Variants in CADPS2 observed in about 807,000 individuals in gnomAD.
The protein encoded by CADPS2 is calcium-dependent secretion activator 2.
In CADPS2, 93 loss-of-function variants were observed where a neutral mutation model predicts 172.5. The ratio of observed to expected loss-of-function variants is 0.54; its 90% CI spans 0.46 to 0.64. CADPS2 has a LOEUF of 0.64. Among genes scored for constraint, CADPS2 ranks in the 30% least tolerant of loss-of-function variants. The probability of loss-of-function intolerance (pLI) is 0.00; values close to 1 mark genes in which losing one functional copy is unlikely to be tolerated. For synonymous variants in CADPS2, 546 were observed against 555.2 expected (o/e 0.98, Z 0.23); for missense variants, 1,420 against 1,565.9 (o/e 0.91, Z 1.57).
intron 2 of CADPS2, among the ~76,000 whole-genome samples, chr7:122,727,195 T>C (rs1307180825): frequency 6.6e-6 from 1 of 151,924 alleles, no homozygotes; most frequent in East Asian, 1.9e-4. Context: ...TGAACTGGGG[T>C]GCCAGTTTAA....
chr7:122,733,001 C>T (rs2091834452), intron 2 of CADPS2, among the ~76,000 whole-genome samples: 1 of 150,048 alleles, frequency 6.7e-6, no homozygotes, highest in Non-Finnish European at 1.5e-5. Flanking sequence ...CAAATTACCA[C>T]TTAAAGATTA....
At chr7:122,536,964 A>T in intron 8 of CADPS2, among the ~76,000 whole-genome samples, 1 of 152,068 alleles carries the variant, frequency 6.6e-6, no homozygotes. Flanking sequence ...AGCGGGAGAT[A>T]AATGATGAGA....
intron 5 of CADPS2, among the ~76,000 whole-genome samples, chr7:122,621,110 T>G (rs561037745): frequency 6.6e-6 from 1 of 151,994 alleles, no homozygotes; most frequent in African/African-American, 2.4e-5. Context: ...CTATGTTGCC[T>G]AGGCTGGTCT....
At chr7:122,353,914 T>C (rs1012318080) in intron 27 of CADPS2, among the ~76,000 whole-genome samples, 4 of 152,162 alleles carry the variant, frequency 2.6e-5, no homozygotes, top group Admixed American at 2.0e-4. Flanking sequence ...TGTTCCTTTT[T>C]CCAAACAGGA....
chr7:122,839,296 T>A (rs1360239312), intron 1 of CADPS2, among the ~76,000 whole-genome samples: 1 of 152,118 alleles, frequency 6.6e-6, no homozygotes, highest in Admixed American at 6.6e-5. Context: ...GATTAAAGAC[T>A]TAAATGTTAG....
At chr7:122,361,187 T>C (rs1201581259) in intron 25 of CADPS2, among the ~76,000 whole-genome samples, 174 bp from the exon 26 acceptor site, 2 of 151,690 alleles carry the variant, frequency 1.3e-5, no homozygotes, top group East Asian at 1.9e-4. Flanking sequence ...ACATGAACTC[T>C]ACTGTCCTTT....
At position 122,320,032 on chromosome 7, in the gene CADPS2, C is replaced by T. The variant is rs936511950; in HGVS notation, c.*133G>A. 6.5e-6 allele frequency: 6 copies of T among 920,228 alleles called. No individual in the cohort carries two copies. In the African/African-American group the frequency reaches 8.5e-5, roughly 13 times the overall value. 57.0% of individuals were successfully genotyped at this position (920,228 alleles called of 1,614,324 possible). A position where few individuals can be genotyped will look rare whatever the true frequency, so the allele number is the denominator to read the frequency against. On this transcript the variant is annotated 3_prime_UTR_variant, in exon 30 of 30. Transcript: ENST00000449022. ...TTTCCCCTTTTACTCTACATTCAGG[C>T]TTACTTTTTAAAGAAATACAAGCAT...
At chr7:122,734,407 T>C (rs993376718) in intron 2 of CADPS2, among the ~76,000 whole-genome samples, 1 of 88,218 alleles carries the variant, frequency 1.1e-5, no homozygotes, top group Non-Finnish European at 2.5e-5. Context: ...AAAGAAAATC[T>C]GGATTCACAT....
At chr7:122,868,535 G>A (rs753164471) in intron 1 of CADPS2, among the ~76,000 whole-genome samples, 7 of 152,160 alleles carry the variant, frequency 4.6e-5, no homozygotes, top group Non-Finnish European at 1.0e-4. Context: ...AAGACAGCAG[G>A]TTGGACAAAC....
intron 2 of CADPS2, among the ~76,000 whole-genome samples, chr7:122,728,812 A>G (rs1164040912): frequency 6.6e-6 from 1 of 151,840 alleles, no homozygotes; most frequent in Non-Finnish European, 1.5e-5. Context: ...ATAAGGTAAC[A>G]CTAATGATAA....
chr7:122,683,776 G>A (rs112220038), intron 2 of CADPS2, among the ~76,000 whole-genome samples: 1 of 151,948 alleles, frequency 6.6e-6, no homozygotes, highest in Non-Finnish European at 1.5e-5. Context: ...CCCAGTTGGG[G>A]CTGCTGTCTG....
chr7:122,488,416 C>T (rs1394276596), intron 11 of CADPS2, among the ~76,000 whole-genome samples: 1 of 152,220 alleles, frequency 6.6e-6, no homozygotes, highest in Non-Finnish European at 1.5e-5. Context: ...CTGTGCATAG[C>T]TGGGGAATAC....
chr7:122,622,991 C>T (rs1244299531), intron 4 of CADPS2, among the ~76,000 whole-genome samples: 3 of 152,162 alleles, frequency 2.0e-5, no homozygotes, highest in Non-Finnish European at 4.4e-5. Context: ...ACCTGCTTTT[C>T]TTCTCCTCCA....
At chr7:122,707,074 A>C (rs1382815230) in intron 2 of CADPS2, among the ~76,000 whole-genome samples, 1 of 151,884 alleles carries the variant, frequency 6.6e-6, no homozygotes, top group Non-Finnish European at 1.5e-5. Context: ...GACATGAACC[A>C]GAAGGTAAGC....
At chr7:122,669,856 AC>A (rs1387598687) in intron 2 of CADPS2, among the ~76,000 whole-genome samples, 3 of 151,832 alleles carry the variant, frequency 2.0e-5, no homozygotes, top group African/African-American at 4.8e-5. Context: ...AGAATTCATG[AC>A]TTTTCCAATA....
At chr7:122,784,224 C>T (rs1356834251) in intron 1 of CADPS2, among the ~76,000 whole-genome samples, 1 of 152,176 alleles carries the variant, frequency 6.6e-6, no homozygotes, top group Non-Finnish European at 1.5e-5. Flanking sequence ...ATCCTCCTCC[C>T]TAAGATCTTT....
chr7:122,839,516 T>C (rs959418199), intron 1 of CADPS2, among the ~76,000 whole-genome samples: 3 of 152,172 alleles, frequency 2.0e-5, no homozygotes, highest in African/African-American at 7.2e-5. Context: ...GAGAACATTT[T>C]TGCAATCTAC....
At chr7:122,607,173 CA>C (rs941478592) in intron 6 of CADPS2, among the ~76,000 whole-genome samples, 74 of 152,166 alleles carry the variant, frequency 4.9e-4, no homozygotes, top group African/African-American at 1.8e-3. Context: ...CCCTTTTTCC[CA>C]CTACAGGTTT....
intron 7 of CADPS2, among the ~76,000 whole-genome samples, chr7:122,561,111 C>G (rs1563706181): frequency 6.6e-6 from 1 of 152,112 alleles, no homozygotes; most frequent in Non-Finnish European, 1.5e-5. Context: ...ACAAAGAACA[C>G]CTGCTCACTC....
Sources: allele counts gnomAD v4.1 joint callset (sites outside exome capture counted in the v4.1 genomes callset), GRCh38; gene constraint gnomAD v4.1.1; transcripts MANE v1.5; gene names NCBI Gene and HGNC (gene_info 2026-07-23, HGNC 2026-07-21).